Variants in MAST4 observed in about 807,000 individuals in gnomAD.
MAST4 encodes microtubule-associated serine/threonine-protein kinase 4.
MAST4 carries 89 observed loss-of-function variants against 162.7 expected under a neutral mutation model. The observed-to-expected ratio is 0.55, with a 90% CI of 0.46 to 0.65. The LOEUF (loss-of-function observed/expected upper bound fraction) is 0.65, where lower values mean the gene tolerates loss of function less well. MAST4 is among the 30% of genes least tolerant of loss of function. The pLI is 0.00. For synonymous variants in MAST4, 1,479 were observed against 1,361.1 expected (o/e 1.09, Z -1.91); for missense variants, 3,153 against 3,374.0 (o/e 0.93, Z 1.62).
At chr5:66,685,367 A>T (rs978932999) in intron 1 of MAST4, among the ~76,000 whole-genome samples, 5 of 152,202 alleles carry the variant, frequency 3.3e-5, no homozygotes, top group Admixed American at 3.3e-4. Context: ...CAGTCAAATG[A>T]GTTCTTCACA....
chr5:67,028,112 C>A (rs898150374), intron 4 of MAST4, among the ~76,000 whole-genome samples: 1 of 151,902 alleles, frequency 6.6e-6, no homozygotes, highest in Non-Finnish European at 1.5e-5. Context: ...GTCTGTCTTA[C>A]TCCTTCTTAG....
intron 1 of MAST4, among the ~76,000 whole-genome samples, chr5:66,655,479 A>C (rs1344173942): frequency 6.6e-6 from 1 of 152,190 alleles, no homozygotes; most frequent in Non-Finnish European, 1.5e-5. Context: ...TTGAGATTTC[A>C]GTTCTAGGAG....
At chr5:66,872,053 G>A (rs561982946) in intron 3 of MAST4, among the ~76,000 whole-genome samples, 1 of 152,320 alleles carries the variant, frequency 6.6e-6, no homozygotes, top group South Asian at 2.1e-4. Context: ...AATCTCTGGT[G>A]TTGACTAAGA....
chr5:66,666,062 G>A (rs183080664), intron 1 of MAST4, among the ~76,000 whole-genome samples: 3 of 152,274 alleles, frequency 2.0e-5, no homozygotes, highest in East Asian at 1.9e-4. Flanking sequence ...GGTCAGATCC[G>A]AACACTTCAG....
chr5:67,144,589 T>A, intron 21 of MAST4, 80 bp from the exon 22 acceptor site: 1 of 1,450,096 alleles, frequency 6.9e-7, no homozygotes, highest in Non-Finnish European at 9.6e-7. Context: ...CCTCTCAGGT[T>A]TTTCTCCCAA....
chr5:66,712,728 G>C (rs1332201333), intron 1 of MAST4, among the ~76,000 whole-genome samples: 1 of 152,140 alleles, frequency 6.6e-6, no homozygotes, highest in East Asian at 1.9e-4. Context: ...TGCCGAAAAA[G>C]TAATGAGAAG....
intron 4 of MAST4, among the ~76,000 whole-genome samples, chr5:67,012,018 G>A (rs1752741309): frequency 6.6e-6 from 1 of 152,236 alleles, no homozygotes; most frequent in African/African-American, 2.4e-5. Context: ...GTGAGAGAGA[G>A]TGTGTTTCTG....
chr5:67,065,226 A>C (rs538357290), intron 5 of MAST4, among the ~76,000 whole-genome samples: 1 of 152,230 alleles, frequency 6.6e-6, no homozygotes, highest in African/African-American at 2.4e-5. Context: ...TAAAAGGTAC[A>C]TTTAAAATTC....
intron 19 of MAST4, among the ~76,000 whole-genome samples, chr5:67,139,827 C>G (rs1440822911): frequency 6.6e-6 from 1 of 152,210 alleles, no homozygotes; most frequent in Admixed American, 6.5e-5. Flanking sequence ...TCTTCCTTAT[C>G]TCTCCATAAG....
intron 4 of MAST4, among the ~76,000 whole-genome samples, chr5:66,905,176 G>A (rs1242831681): frequency 1.1e-4 from 17 of 151,910 alleles, no homozygotes; most frequent in Non-Finnish European, 1.5e-5. Flanking sequence ...GCTTGGAGGC[G>A]CATGCCTGTA....
intron 4 of MAST4, among the ~76,000 whole-genome samples, chr5:67,020,089 T>G (rs1225366049): frequency 6.6e-6 from 1 of 152,178 alleles, no homozygotes; most frequent in Non-Finnish European, 1.5e-5. Context: ...TCCCTTGAGT[T>G]TCAGGCACTG....
chr5:67,048,772 T>C (rs1205439125), intron 4 of MAST4, among the ~76,000 whole-genome samples: 2 of 151,716 alleles, frequency 1.3e-5, no homozygotes, highest in African/African-American at 4.8e-5. Context: ...TTAAATCACC[T>C]AGTCAATAGA....
chr5:66,894,453 A>T (rs1461920541), intron 3 of MAST4, among the ~76,000 whole-genome samples: 1 of 152,158 alleles, frequency 6.6e-6, no homozygotes, highest in Admixed American at 6.5e-5. Flanking sequence ...TTTGTTTTAT[A>T]TGCGTGTATG....
intron 3 of MAST4, among the ~76,000 whole-genome samples, chr5:66,843,585 T>C (rs1339539330): frequency 2.0e-5 from 3 of 152,108 alleles, no homozygotes; most frequent in African/African-American, 7.2e-5. Context: ...GTATCCGGCA[T>C]TAAGTTTGGA....
chr5:66,637,818 C>G (rs992714152), intron 1 of MAST4, among the ~76,000 whole-genome samples: 1 of 151,964 alleles, frequency 6.6e-6, no homozygotes, highest in African/African-American at 2.4e-5. Flanking sequence ...TTATCTGAAC[C>G]TCCCACCTCA....
chr5:66,907,205 G>C (rs909701541), intron 4 of MAST4, among the ~76,000 whole-genome samples: 1 of 87,026 alleles, frequency 1.1e-5, no homozygotes, highest in Admixed American at 1.1e-4. Context: ...GAGAGAGAGA[G>C]AGTCCTGCTA....
At chr5:66,678,405 T>C (rs1748095911) in intron 1 of MAST4, among the ~76,000 whole-genome samples, 1 of 152,074 alleles carries the variant, frequency 6.6e-6, no homozygotes, top group South Asian at 2.1e-4. Flanking sequence ...CCAATAAAAA[T>C]TGCTAAGTAG....
chr5:66,646,854 A>G (rs1314301470), intron 1 of MAST4, among the ~76,000 whole-genome samples: 2 of 152,232 alleles, frequency 1.3e-5, no homozygotes, highest in East Asian at 3.8e-4. Context: ...GATAGACATC[A>G]GGTTTCTCTG....
chr5:66,711,680 C>T (rs141959749), intron 1 of MAST4, among the ~76,000 whole-genome samples: 53 of 152,208 alleles, frequency 3.5e-4, no homozygotes, highest in African/African-American at 1.3e-3. Context: ...ACTAAAAATA[C>T]AAGAATTAGC....
Sources: allele counts gnomAD v4.1 joint callset (sites outside exome capture counted in the v4.1 genomes callset), GRCh38; gene constraint gnomAD v4.1.1; transcripts MANE v1.5; gene names NCBI Gene and HGNC (gene_info 2026-07-23, HGNC 2026-07-21).